Variants in PHF3 observed in about 807,000 individuals in gnomAD.
PHF3 encodes PHD finger protein 3.
PHF3 carries 41 observed loss-of-function variants against 178.4 expected under a neutral mutation model. The observed-to-expected ratio is 0.23, with a 90% CI of 0.18 to 0.30. The LOEUF (loss-of-function observed/expected upper bound fraction) is 0.30, where lower values mean the gene tolerates loss of function less well. Ranked by LOEUF, PHF3 falls within the 10% of genes least tolerant of loss-of-function variation. PHF3 has a pLI of 1.00. For synonymous variants in PHF3, 842 were observed against 800.5 expected, an observed-to-expected ratio of 1.05 and a Z score of -0.88; for missense variants, 2,346 against 2,398.1, an observed-to-expected ratio of 0.98 and a Z score of 0.45.
chr6:63,648,389 T>G (rs1444950181), intron 2 of PHF3, among the ~76,000 whole-genome samples: 1 of 152,218 alleles, frequency 6.6e-6, no homozygotes, highest in Non-Finnish European at 1.5e-5. Context: ...AACATTTATT[T>G]AATATTAACA....
intron 2 of PHF3, among the ~76,000 whole-genome samples, chr6:63,658,832 T>A (rs1392182385): frequency 1.3e-5 from 2 of 151,864 alleles, no homozygotes; most frequent in Non-Finnish European, 2.9e-5. Context: ...GGAGACTGGC[T>A]GGCAAGCCCA....
chr6:63,685,339 A>G lies in PHF3; in HGVS notation c.1617A>G (p.Gln539=). The change falls in exon 4 of 16, where the codon CAA becomes CAG. Residue 539 remains glutamine (Q), a synonymous_variant. Coordinates refer to ENST00000262043, the MANE Select transcript of PHF3 (RefSeq NM_001370348.2). ...ATACTGATGTACCAGAATCTCAGCA[A>G]AATTTTCATAGGCCAGTCAAAGTCA... ...KRNTDVPESQ[Q]NFHRPVKVRK... is the part of the protein sequence containing the mutation. The G allele has an allele frequency of 1.9e-6, 3 of 1,614,164 alleles. No homozygotes were observed. Among genetic ancestry groups the G allele is most frequent in the East Asian group, 2.2e-5 (1 of 44,878 alleles).
intron 8 of PHF3, among the ~76,000 whole-genome samples, chr6:63,699,321 T>C (rs1265184790): frequency 6.6e-6 from 1 of 152,186 alleles, no homozygotes; most frequent in Non-Finnish European, 1.5e-5. Flanking sequence ...TTTACCTAGG[T>C]CCACCAGCAG....
At chr6:63,679,423 G>A (rs898068526) in intron 2 of PHF3, among the ~76,000 whole-genome samples, 1 of 151,728 alleles carries the variant, frequency 6.6e-6, no homozygotes, top group Admixed American at 6.6e-5. Flanking sequence ...CCAGCATTTG[G>A]GGGAAGGGGA....
In PHF3 at chr6:63,685,245, A is replaced by G; in HGVS notation, c.1523A>G (p.Lys508Arg). Residue 508 changes from lysine to arginine, a missense_variant, in exon 4 of 16, where the codon AAA becomes AGA. Around this residue, in one of 8 missense-constraint regions of PHF3, gnomAD observed 843 missense variants for 795.2 expected, o/e 1.06. Transcript: ENST00000262043. The part of the protein sequence containing the change: ...KQNMTTDAPK[K>R]IVAAKYEVIH... ...AACATGACCACAGATGCTCCGAAGA[A>G]AATTGTTGCAGCAAAGTATGAAGTA... is the stretch of plus-strand genomic sequence containing the variant. 1 of 1,614,054 alleles carries G rather than the reference A, an allele frequency of 6.2e-7. No homozygotes were observed.
chr6:63,709,023 A>G, intron 13 of PHF3, 128 bp from the exon 14 acceptor site: 1 of 516,732 alleles, frequency 1.9e-6, no homozygotes, highest in Non-Finnish European at 3.3e-6. Context: ...CATTTTTCAT[A>G]ATCTCTTTAT....
Position 63,646,623 on chromosome 6 carries a change from C to T in PHF3, c.72C>T (p.Ser24=), listed in dbSNP as rs1330092786. 1 of 1,613,560 alleles carries T rather than the reference C, an allele frequency of 6.2e-7. No individual in the cohort carries two copies. Residue 24 remains serine (S), a synonymous_variant, in exon 2 of 16, where the codon TCC becomes TCT. Coordinates refer to ENST00000262043, the MANE Select transcript of PHF3 (RefSeq NM_001370348.2). ...EHLDDALFLG[S]NLENEVCEDF... is the part of the protein sequence containing the mutation. The stretch of plus-strand genomic sequence containing the variant: ...TAGATGATGCCCTATTTCTAGGATC[C>T]AACCTGGAGAATGAAGTCTGTGAGG...
At chr6:63,636,445 G>C (rs1764341759) in intron 1 of PHF3, 1 of 150,520 alleles carries the variant, frequency 6.6e-6, no homozygotes, top group Non-Finnish European at 1.5e-5. Flanking sequence ...CCGACCACTG[G>C]TACCCAGCCG....
In PHF3 at chr6:63,679,987, CG is replaced by C. The variant is rs1268514600; in HGVS notation, c.245-12del. The C allele has an allele frequency of 1.9e-6, 3 of 1,601,790 alleles. No homozygotes were observed. The highest frequency in any genetic ancestry group is 1.3e-5 in the African/African-American group (1 of 74,118). On this transcript the variant is annotated splice_polypyrimidine_tract_variant and intron_variant, in intron 2 of 15. Transcript: ENST00000262043. ...TATTTTTAAAAGTTAATTTTTTTGT[CG>C]TTTTTTTCTAGTTGTTGGTCTTGAC...
In PHF3 at chr6:63,636,104, C is replaced by T. The variant is rs1764318317; in HGVS notation, c.-72C>T. 5.1e-6 allele frequency: 2 copies of T among 392,188 alleles called. No homozygotes were observed. Among genetic ancestry groups the T allele is most frequent in the Non-Finnish European group, 9.0e-6 (2 of 222,566 alleles). 24.3% of individuals were successfully genotyped at this position (392,188 alleles called of 1,614,324 possible). A position where few individuals can be genotyped will look rare whatever the true frequency, so the allele number is the denominator to read the frequency against. On this transcript the variant is annotated 5_prime_UTR_variant, in exon 1 of 16. Transcript: ENST00000262043. ...TCCTCTTCGGCGGCGGCAGCGTCCACCATCTTCCTCTTGCTGCCAGTGGTA... is the reference window on the plus strand; with the variant it reads ...TCCTCTTCGGCGGCGGCAGCGTCCATCATCTTCCTCTTGCTGCCAGTGGTA...
rs1257596998 is a variant in PHF3 at position 63,685,466 on chromosome 6, G to A, written c.1744G>A (p.Asp582Asn). The change falls in exon 4 of 16, where the codon GAT (aspartate) becomes AAT (asparagine). Residue 582 changes from aspartate to asparagine, a missense_variant. This residue lies in a region of PHF3 where 843 missense variants were observed against 795.2 expected (regional missense o/e 1.06). Transcript: ENST00000262043. Reference sequence around the variant, plus strand: ...TTCTGTACTGAAAAAAACATTACAGGATCAAACTTTAGTACAAATTTTCAA... The same window carrying A: ...TTCTGTACTGAAAAAAACATTACAGAATCAAACTTTAGTACAAATTTTCAA... ...AHSVLKKTLQ[D>N]QTLVQIFKPL... The A allele has an allele frequency of 1.9e-6, 3 of 1,613,808 alleles. No individual in the cohort carries two copies. Among genetic ancestry groups the A allele is most frequent in the African/African-American group, 2.7e-5 (2 of 74,868 alleles).
intron 1 of PHF3, among the ~76,000 whole-genome samples, chr6:63,641,528 ATGTGTGTGTGTGTGTGTGTG>A (rs201250434): frequency 3.6e-5 from 5 of 140,678 alleles, no homozygotes; most frequent in South Asian, 4.6e-4. Flanking sequence ...TTAGGTGTGT[ATGTGTGTGTGTGTGTGTGTG>A]TGTGTGTGTG....
intron 11 of PHF3, 52 bp downstream of exon 11, chr6:63,703,723 T>G (rs1767576895): frequency 5.3e-6 from 8 of 1,514,326 alleles, no homozygotes; most frequent in Non-Finnish European, 7.2e-6. Flanking sequence ...GAAAGAAGGA[T>G]ACTTAGATAC....
intron 2 of PHF3, among the ~76,000 whole-genome samples, chr6:63,669,077 A>G (rs1461413570): frequency 6.6e-6 from 1 of 152,190 alleles, no homozygotes; most frequent in Admixed American, 6.5e-5. Context: ...ATTAAATTTG[A>G]TACACACTGG....
chr6:63,698,478 A>T lies in PHF3; in HGVS notation c.2855A>T (p.Glu952Val). 6.2e-7 allele frequency: 1 copy of T among 1,601,678 alleles called. No individual in the cohort carries two copies. Among genetic ancestry groups the T allele is most frequent in the South Asian group, 1.1e-5 (1 of 87,634 alleles). ...RLTDSNLKVP[E>V]EKAAKVATKI... ...ACAGACTCAAATTTGAAGGTACCAG[A>T]GGAAAAGGCAGCAAAAGTTGCCACA... Residue 952 changes from glutamate to valine, a missense_variant, in exon 8 of 16, where the codon GAG becomes GTG. By Grantham distance (121) the Glu-to-Val change is moderately radical. Around this residue, in one of 8 missense-constraint regions of PHF3, gnomAD observed 252 missense variants for 232.0 expected, o/e 1.09. Transcript: ENST00000262043.
rs1430352807 is a variant in PHF3, at chr6:63,685,370, AAAC to A, written c.1651_1653del (p.Gln551del). The A allele has an allele frequency of 8.7e-6, 14 of 1,613,964 alleles. No homozygotes were observed. The highest frequency in any genetic ancestry group is 2.2e-5 in the South Asian group (2 of 91,062). ...TCATAGGCCAGTCAAAGTCAGAAAA[AAAC>A]AAATTGATAAGGAGCCAAAGATTCA... On this transcript the variant is annotated inframe_deletion, in exon 4 of 16. Coordinates refer to ENST00000262043, the MANE Select transcript of PHF3 (RefSeq NM_001370348.2).
rs1768594756 is a variant in PHF3 at position 63,725,856 on chromosome 6, C to A, written c.*12148C>A. Among the ~76,000 whole-genome samples the A allele has an allele frequency of 6.6e-6, 1 of 151,858 alleles. No individual in the cohort carries two copies. ...AAATTGTTTCTCATTTTCTGAGAGA[C>A]AAGATCAAAGAAAGTCAAATGTAAG... On this transcript the variant is annotated 3_prime_UTR_variant, in exon 16 of 16. Coordinates refer to ENST00000262043, the MANE Select transcript of PHF3 (RefSeq NM_001370348.2).
At chr6:63,638,626 G>C (rs1764448013) in intron 1 of PHF3, among the ~76,000 whole-genome samples, 1 of 152,028 alleles carries the variant, frequency 6.6e-6, no homozygotes, top group South Asian at 2.1e-4. Flanking sequence ...TTAGGGTGCT[G>C]ATTTCTAACA....
At chr6:63,640,661 C>CAAAT (rs368020518) in intron 1 of PHF3, among the ~76,000 whole-genome samples, 1,815 of 152,248 alleles carry the variant, frequency 0.012, 31 homozygotes, top group African/African-American at 0.042. Flanking sequence ...AACAAACAAA[C>CAAAT]AAAACCAAAC....
Sources: gnomAD v4.1 joint callset for allele counts (sites outside exome capture counted in the v4.1 genomes callset) on GRCh38, gnomAD v4.1.1 for gene constraint, gnomAD v4.1.1 regional missense constraint, MANE v1.5 for transcripts, NCBI Gene and HGNC (gene_info 2026-07-23, HGNC 2026-07-21) for gene names.